SERPINI1: variants seen among roughly 807,000 people sequenced by gnomAD.
SERPINI1 encodes neuroserpin.
Under a neutral mutation model 41.1 loss-of-function variants are expected in SERPINI1, and 19 were observed. The observed-to-expected ratio is 0.46, with a 90% confidence interval of 0.32 to 0.68. The LOEUF (loss-of-function observed/expected upper bound fraction) is 0.68. SERPINI1 is among the 30% of genes least tolerant of loss of function. The pLI is 0.03. For synonymous variants in SERPINI1, 138 were observed against 156.6 expected, an observed-to-expected ratio of 0.88 and a Z score of 0.89; for missense variants, 460 against 479.2, an observed-to-expected ratio of 0.96 and a Z score of 0.37.
chr3:167,805,816 G>GT (rs1421582421), intron 5 of SERPINI1, among the ~76,000 whole-genome samples: 1 of 152,054 alleles, frequency 6.6e-6, no homozygotes, highest in African/African-American at 2.4e-5. Context: ...CCCATTGCTT[G>GT]TTTTTGTCAG....
At chr3:167,744,297 AG>A (rs1221715305) in intron 1 of SERPINI1, among the ~76,000 whole-genome samples, 10 of 152,076 alleles carry the variant, frequency 6.6e-5, no homozygotes, top group African/African-American at 2.4e-4. Context: ...ACTGGCGTGT[AG>A]TAAATGCTCA....
At chr3:167,802,772 A>G (rs2108564620) in intron 5 of SERPINI1, among the ~76,000 whole-genome samples, 1 of 149,318 alleles carries the variant, frequency 6.7e-6, no homozygotes, top group South Asian at 2.2e-4. Flanking sequence ...CCATCCCATT[A>G]CTGGGTATAT....
intron 2 of SERPINI1, 83 bp downstream of exon 2, chr3:167,789,461 C>A: frequency 6.7e-7 from 1 of 1,494,064 alleles, no homozygotes; most frequent in Non-Finnish European, 9.3e-7. Flanking sequence ...CTAGACACAG[C>A]AATATTTACA....
At chr3:167,737,679 T>C (rs568481372) in intron 1 of SERPINI1, among the ~76,000 whole-genome samples, 1 of 152,314 alleles carries the variant, frequency 6.6e-6, no homozygotes, top group South Asian at 2.1e-4. Flanking sequence ...AATGAAATTC[T>C]TTCCGAGCCT....
chr3:167,802,123 A>G (rs568092327), intron 5 of SERPINI1, among the ~76,000 whole-genome samples: 36 of 152,218 alleles, frequency 2.4e-4, no homozygotes, highest in African/African-American at 8.2e-4. Context: ...ACAAAAATCA[A>G]TTCAAGATGG....
chr3:167,752,981 G>A (rs1019403293), intron 1 of SERPINI1, among the ~76,000 whole-genome samples: 1 of 152,000 alleles, frequency 6.6e-6, no homozygotes, highest in Non-Finnish European at 1.5e-5. Context: ...TTTATTCATT[G>A]CACTTAACAC....
chr3:167,791,604 TC>T (rs544458053), intron 3 of SERPINI1, among the ~76,000 whole-genome samples: 251 of 152,332 alleles, frequency 1.6e-3, no homozygotes, highest in African/African-American at 5.8e-3. Context: ...CCATTTGTTT[TC>T]AAACTCCTTT....
chr3:167,758,998 G>A (rs1023389319), intron 1 of SERPINI1, among the ~76,000 whole-genome samples: 1 of 152,100 alleles, frequency 6.6e-6, no homozygotes, highest in African/African-American at 2.4e-5. Flanking sequence ...AGATACAGAT[G>A]TTTTTATGAT....
chr3:167,810,532 T>C (rs1577431501), intron 6 of SERPINI1, among the ~76,000 whole-genome samples: 1 of 152,312 alleles, frequency 6.6e-6, no homozygotes, highest in Non-Finnish European at 1.5e-5. Flanking sequence ...AAGTAAAGCA[T>C]ATACCTTAAT....
At chr3:167,786,404 A>T (rs990849037) in intron 1 of SERPINI1, among the ~76,000 whole-genome samples, 1 of 147,718 alleles carries the variant, frequency 6.8e-6, no homozygotes, top group Non-Finnish European at 1.5e-5. Flanking sequence ...GCTACTTGGG[A>T]GGCTGAGGCA....
At chr3:167,740,224 G>T (rs1289590310) in intron 1 of SERPINI1, among the ~76,000 whole-genome samples, 1 of 151,958 alleles carries the variant, frequency 6.6e-6, no homozygotes, top group Non-Finnish European at 1.5e-5. Flanking sequence ...AGAGATAAGG[G>T]TCTCACTGTG....
intron 6 of SERPINI1, among the ~76,000 whole-genome samples, chr3:167,815,844 C>G (rs1428085136): frequency 3.3e-5 from 5 of 152,166 alleles, no homozygotes; most frequent in African/African-American, 1.2e-4. Context: ...TGCATTCAAT[C>G]TTTGCTGTCT....
At chr3:167,793,174 A>G (rs62279596) in intron 4 of SERPINI1, among the ~76,000 whole-genome samples, 19,238 of 152,174 alleles carry the variant, frequency 0.13, 1,460 homozygotes, top group African/African-American at 0.21. Context: ...TCTTATACAA[A>G]GACTTTTAAA....
At chr3:167,738,125 T>G (rs977611003) in intron 1 of SERPINI1, among the ~76,000 whole-genome samples, 7 of 152,160 alleles carry the variant, frequency 4.6e-5, no homozygotes, top group Admixed American at 2.6e-4. Flanking sequence ...TGGCAGTTTA[T>G]AATTCTGTGT....
chr3:167,825,039 C>T (rs1712467004), intron 8 of SERPINI1, among the ~76,000 whole-genome samples: 1 of 147,440 alleles, frequency 6.8e-6, no homozygotes, highest in South Asian at 2.1e-4. Context: ...AGAGCAAGAG[C>T]CTTTCTCTAG....
At chr3:167,747,690 G>T (rs114919813) in intron 1 of SERPINI1, among the ~76,000 whole-genome samples, 2,251 of 152,214 alleles carry the variant, frequency 0.015, 51 homozygotes, top group African/African-American at 0.052. Context: ...CACCTTAAAA[G>T]GGTACATTTT....
intron 5 of SERPINI1, among the ~76,000 whole-genome samples, chr3:167,802,141 A>G (rs1727919960): frequency 6.6e-6 from 1 of 152,060 alleles, no homozygotes; most frequent in Admixed American, 6.6e-5. Context: ...TGGATTAAAG[A>G]CTTAAACGTT....
intron 6 of SERPINI1, among the ~76,000 whole-genome samples, chr3:167,815,247 T>A (rs1337247953): frequency 2.6e-5 from 4 of 152,218 alleles, no homozygotes; most frequent in Non-Finnish European, 4.4e-5. Flanking sequence ...ATTTTGTGGC[T>A]GCAGACACAT....
chr3:167,821,993 C>T (rs1712350500), intron 6 of SERPINI1, among the ~76,000 whole-genome samples: 1 of 152,146 alleles, frequency 6.6e-6, no homozygotes, highest in Non-Finnish European at 1.5e-5. Flanking sequence ...TGGATGAGGC[C>T]TACCCACATT....
Sources: allele counts gnomAD v4.1 joint callset (sites outside exome capture counted in the v4.1 genomes callset), GRCh38; gene constraint gnomAD v4.1.1; transcripts MANE v1.5; gene names NCBI Gene and HGNC (gene_info 2026-07-23, HGNC 2026-07-21).